The following DACH2 variants were observed in gnomAD, a reference collection of about 807,000 sequenced individuals.
The protein encoded by DACH2 is dachshund homolog 2.
A neutral mutation model predicts 35.8 loss-of-function variants in DACH2; 17 were observed. That is an observed-to-expected ratio of 0.48 (90% CI 0.33 to 0.71). DACH2 has a LOEUF of 0.71. Ranked by LOEUF, DACH2 falls within the 30% of genes least tolerant of loss-of-function variation. The pLI, the probability that DACH2 is intolerant of heterozygous loss-of-function variation, is 0.02. For synonymous variants in DACH2, 195 were observed against 177.3 expected (o/e 1.10, Z -0.79); for missense variants, 469 against 472.7 (o/e 0.99, Z 0.07).
chrX:86,793,549 G>T (rs2042207655), intron 7 of DACH2, among the ~76,000 whole-genome samples: 1 of 111,717 alleles, frequency 9.0e-6, no homozygotes, highest in African/African-American at 3.2e-5. Flanking sequence ...AATTTCTGAG[G>T]ACTGACTAGA....
At chrX:86,550,630 A>G (rs1281679037) in intron 3 of DACH2, among the ~76,000 whole-genome samples, 3 of 111,301 alleles carry the variant, frequency 2.7e-5, no homozygotes, top group African/African-American at 9.8e-5. Flanking sequence ...AGAGGAAAAA[A>G]TTCTGCACCC....
intron 1 of DACH2, among the ~76,000 whole-genome samples, chrX:86,375,741 C>A (rs1264193033): frequency 9.2e-6 from 1 of 109,039 alleles, no homozygotes; most frequent in Non-Finnish European, 1.9e-5. Flanking sequence ...GATATATTTT[C>A]ATTTTTTTTA....
chrX:86,789,812 A>G (rs2042171039), intron 7 of DACH2, among the ~76,000 whole-genome samples: 1 of 111,971 alleles, frequency 8.9e-6, no homozygotes, highest in African/African-American at 3.2e-5. Flanking sequence ...ACATTTTTGC[A>G]TATAAAATAT....
chrX:86,798,162 C>T (rs887549208), intron 7 of DACH2, among the ~76,000 whole-genome samples: 3 of 112,194 alleles, frequency 2.7e-5, no homozygotes, highest in African/African-American at 9.7e-5. Flanking sequence ...GAGGGTGAAT[C>T]ATAATCCCTA....
intron 3 of DACH2, among the ~76,000 whole-genome samples, chrX:86,534,188 T>C (rs939501012): frequency 8.9e-6 from 1 of 111,751 alleles, no homozygotes; most frequent in Non-Finnish European, 1.9e-5. Context: ...ATAAGGCAAA[T>C]CAAAACAAAA....
At chrX:86,660,964 A>AT (rs1394295454) in intron 4 of DACH2, among the ~76,000 whole-genome samples, 6 of 111,002 alleles carry the variant, frequency 5.4e-5, no homozygotes, top group Non-Finnish European at 1.1e-4. Flanking sequence ...AATCACCATT[A>AT]TTTTTTCTAA....
At chrX:86,587,593 T>G (rs1171327675) in intron 3 of DACH2, among the ~76,000 whole-genome samples, 1 of 111,465 alleles carries the variant, frequency 9.0e-6, no homozygotes, top group African/African-American at 3.3e-5. Context: ...CTTCAATGCA[T>G]AGTTTGTTGA....
chrX:86,743,618 G>A (rs768553105), intron 7 of DACH2, among the ~76,000 whole-genome samples: 5 of 111,220 alleles, frequency 4.5e-5, no homozygotes, highest in South Asian at 3.7e-4. Context: ...TAAACTGAAC[G>A]TGCTTCATAA....
At chrX:86,201,801 A>C (rs980914263) in intron 1 of DACH2, among the ~76,000 whole-genome samples, 1 of 107,047 alleles carries the variant, frequency 9.3e-6, no homozygotes, top group Non-Finnish European at 1.9e-5. Context: ...AGTGCTTGCT[A>C]TGATTTTACC....
chrX:86,796,988 A>G (rs1224987611), intron 7 of DACH2, among the ~76,000 whole-genome samples: 5 of 111,758 alleles, frequency 4.5e-5, no homozygotes, highest in African/African-American at 9.7e-5. Flanking sequence ...TGATGGAAAT[A>G]TAGAACAACT....
intron 3 of DACH2, among the ~76,000 whole-genome samples, chrX:86,643,866 A>C (rs2040380524): frequency 9.0e-6 from 1 of 111,423 alleles, no homozygotes. Flanking sequence ...ACAAAAACCA[A>C]ATGATTATCT....
At chrX:86,625,046 G>A (rs1485895477) in intron 3 of DACH2, among the ~76,000 whole-genome samples, 1 of 111,683 alleles carries the variant, frequency 9.0e-6, no homozygotes, top group Non-Finnish European at 1.9e-5. Flanking sequence ...GAGTTAGTAT[G>A]CCCGTTAGCA....
intron 7 of DACH2, among the ~76,000 whole-genome samples, chrX:86,740,456 A>C (rs2041642372): frequency 9.7e-6 from 1 of 102,691 alleles, no homozygotes; most frequent in African/African-American, 3.5e-5. Flanking sequence ...GCACCCATTA[A>C]CTCGTCATTT....
intron 1 of DACH2, among the ~76,000 whole-genome samples, chrX:86,201,779 T>C (rs548620940): frequency 9.2e-6 from 1 of 109,097 alleles, no homozygotes; most frequent in East Asian, 2.8e-4. Context: ...TCTAAATTTA[T>C]ACAACTTGGC....
intron 3 of DACH2, among the ~76,000 whole-genome samples, chrX:86,623,937 A>G (rs749450038): frequency 9.9e-6 from 1 of 101,024 alleles, no homozygotes; most frequent in Non-Finnish European, 2.0e-5. Context: ...AGTCCCAGCT[A>G]CACAGGAGGC....
intron 7 of DACH2, among the ~76,000 whole-genome samples, chrX:86,790,409 T>G (rs1238791764): frequency 8.9e-6 from 1 of 112,129 alleles, no homozygotes; most frequent in Non-Finnish European, 1.9e-5. Flanking sequence ...AAATTTAAAA[T>G]TCTGTTTTTC....
At chrX:86,323,857 C>T (rs2035061841) in intron 1 of DACH2, among the ~76,000 whole-genome samples, 1 of 112,259 alleles carries the variant, frequency 8.9e-6, no homozygotes, top group Admixed American at 9.4e-5. Flanking sequence ...GTCTTCAAGA[C>T]CGGTGGCTAG....
chrX:86,525,713 C>G (rs1449564675), intron 3 of DACH2, among the ~76,000 whole-genome samples: 2 of 111,551 alleles, frequency 1.8e-5, no homozygotes, highest in Non-Finnish European at 3.8e-5. Context: ...GAGAGGATCA[C>G]TGATGCCTAC....
chrX:86,520,829 C>G (rs1240781248), intron 3 of DACH2, among the ~76,000 whole-genome samples: 1 of 111,400 alleles, frequency 9.0e-6, no homozygotes, highest in Non-Finnish European at 1.9e-5. Flanking sequence ...AGACAGCATG[C>G]CTTTAGGTCT....
Sources: gnomAD v4.1 joint callset for allele counts (sites outside exome capture counted in the v4.1 genomes callset) on GRCh38, gnomAD v4.1.1 for gene constraint, MANE v1.5 for transcripts, NCBI Gene and HGNC (gene_info 2026-07-23, HGNC 2026-07-21) for gene names.